CDH8: variants seen among roughly 807,000 people sequenced by gnomAD.
The protein encoded by CDH8 is cadherin-8.
CDH8 carries 17 observed loss-of-function variants against 68.1 expected under a neutral mutation model. That is an observed-to-expected ratio of 0.25 (90% CI 0.17 to 0.37). The LOEUF is 0.37. CDH8 is among the 10% of genes least tolerant of loss of function. CDH8 has a pLI of 1.00. For missense variants in CDH8, 763 were observed against 999.3 expected, an observed-to-expected ratio of 0.76 and a Z score of 3.19; for synonymous variants, 372 against 365.1, an observed-to-expected ratio of 1.02 and a Z score of -0.21.
chr16:62,006,421 G>A (rs1965976445), intron 2 of CDH8, among the ~76,000 whole-genome samples: 1 of 152,096 alleles, frequency 6.6e-6, no homozygotes, highest in Admixed American at 6.5e-5. Context: ...CACCTTATTA[G>A]CCAACCTGGG....
intron 10 of CDH8, among the ~76,000 whole-genome samples, chr16:61,671,320 T>C (rs1259212177): frequency 6.6e-6 from 1 of 151,916 alleles, no homozygotes; most frequent in Non-Finnish European, 1.5e-5. Flanking sequence ...GTGTTAGCAG[T>C]GGTTAATGGC....
intron 9 of CDH8, 58 bp from the exon 10 acceptor site, chr16:61,714,016 G>A: frequency 9.9e-7 from 1 of 1,013,336 alleles, no homozygotes; most frequent in Non-Finnish European, 1.6e-6. Flanking sequence ...CCTGCCATCG[G>A]TAAAAGCTTA....
chr16:61,736,993 A>G (rs1959705318), intron 8 of CDH8, among the ~76,000 whole-genome samples: 1 of 152,194 alleles, frequency 6.6e-6, no homozygotes, highest in African/African-American at 2.4e-5. Flanking sequence ...TTCACATATG[A>G]TAGAAGAAAA....
At chr16:62,030,359 G>A (rs1462617180) in intron 1 of CDH8, among the ~76,000 whole-genome samples, 1 of 151,990 alleles carries the variant, frequency 6.6e-6, no homozygotes, top group Non-Finnish European at 1.5e-5. Flanking sequence ...ATAAAAATAA[G>A]TATGAATTGT....
intron 7 of CDH8, among the ~76,000 whole-genome samples, chr16:61,799,469 T>C (rs1961569945): frequency 6.6e-6 from 1 of 152,182 alleles, no homozygotes; most frequent in Non-Finnish European, 1.5e-5. Context: ...TCCTATAATC[T>C]AGTGGAGTAG....
At chr16:61,720,957 G>C (rs1313560513) in intron 9 of CDH8, among the ~76,000 whole-genome samples, 1 of 150,662 alleles carries the variant, frequency 6.6e-6, no homozygotes, top group Non-Finnish European at 1.5e-5. Flanking sequence ...TATTTATTTA[G>C]TATGTATTTG....
intron 3 of CDH8, among the ~76,000 whole-genome samples, chr16:61,887,573 C>T (rs1382021876): frequency 2.0e-5 from 3 of 151,992 alleles, no homozygotes; most frequent in South Asian, 2.1e-4. Context: ...TTTGTGTGTC[C>T]GGATTTCCTC....
At chr16:61,810,124 C>T (rs898228214) in intron 7 of CDH8, among the ~76,000 whole-genome samples, 2 of 152,132 alleles carry the variant, frequency 1.3e-5, no homozygotes, top group African/African-American at 4.8e-5. Context: ...CTATTTAGAG[C>T]CACACATAAT....
At chr16:61,968,818 A>G (rs988059337) in intron 2 of CDH8, among the ~76,000 whole-genome samples, 1 of 152,236 alleles carries the variant, frequency 6.6e-6, no homozygotes, top group Non-Finnish European at 1.5e-5. Context: ...AGCATCAGCT[A>G]TCATTAGTTC....
chr16:61,821,962 G>A (rs183886491), intron 5 of CDH8, among the ~76,000 whole-genome samples: 391 of 151,852 alleles, frequency 2.6e-3, no homozygotes, highest in Non-Finnish European at 4.8e-3. Flanking sequence ...GGGTTATTGC[G>A]GGCCTTTAGA....
At chr16:61,748,022 G>C (rs1960065670) in intron 8 of CDH8, among the ~76,000 whole-genome samples, 1 of 152,054 alleles carries the variant, frequency 6.6e-6, no homozygotes, top group African/African-American at 2.4e-5. Flanking sequence ...ATTGGAACCA[G>C]TCAGTGGAGA....
intron 10 of CDH8, among the ~76,000 whole-genome samples, chr16:61,706,678 T>C (rs916638150): frequency 1.4e-5 from 2 of 140,122 alleles, no homozygotes; most frequent in African/African-American, 2.7e-5. Context: ...AACCAAAGCA[T>C]GTATAAGGGC....
At chr16:61,899,404 C>T (rs142182144) in intron 3 of CDH8, among the ~76,000 whole-genome samples, 51 of 152,026 alleles carry the variant, frequency 3.4e-4, no homozygotes, top group African/African-American at 1.2e-3. Flanking sequence ...TGGGGCAAGG[C>T]ATATGATTTT....
chr16:61,682,527 T>C (rs1964031888), intron 10 of CDH8, among the ~76,000 whole-genome samples: 1 of 151,978 alleles, frequency 6.6e-6, no homozygotes, highest in Admixed American at 6.6e-5. Flanking sequence ...TGAATATTGT[T>C]CAGGATTTAA....
chr16:61,897,083 T>C lies in CDH8; in HGVS notation c.547+4096A>G, dbSNP rs183224523. Among the ~76,000 whole-genome samples, 492 of 148,368 alleles carry C rather than the reference T, an allele frequency of 3.3e-3. 4 individuals are homozygous for C. The highest frequency in any genetic ancestry group is 4.4e-3 in the Non-Finnish European group (296 of 67,288). On this transcript the variant is annotated intron_variant, in intron 3 of 11. Coordinates refer to ENST00000577390, the MANE Select transcript of CDH8 (RefSeq NM_001796.5). ...ATATATCTTTATTATATATATAATA[T>C]AATATATAAATATATATAACATACA...
chr16:61,930,029 C>A (rs1366272775), intron 2 of CDH8, among the ~76,000 whole-genome samples: 1 of 152,062 alleles, frequency 6.6e-6, no homozygotes, highest in African/African-American at 2.4e-5. Context: ...TGACTCTGTT[C>A]CATAACAAAT....
At chr16:62,025,854 A>T (rs941648419) in intron 1 of CDH8, among the ~76,000 whole-genome samples, 2 of 150,008 alleles carry the variant, frequency 1.3e-5, no homozygotes, top group African/African-American at 4.9e-5. Flanking sequence ...ATACATATAG[A>T]TTCATATCTA....
intron 2 of CDH8, among the ~76,000 whole-genome samples, chr16:61,915,739 A>G (rs1029111597): frequency 6.6e-6 from 1 of 152,188 alleles, no homozygotes; most frequent in Non-Finnish European, 1.5e-5. Context: ...GTAATACCCA[A>G]TTAACAGCAC....
chr16:61,656,761 T>C (rs1394595826), intron 10 of CDH8, among the ~76,000 whole-genome samples: 1 of 152,184 alleles, frequency 6.6e-6, no homozygotes, highest in African/African-American at 2.4e-5. Context: ...AAGAATATAC[T>C]TCAGTTCAAA....
Sources: gnomAD v4.1 joint callset for allele counts (sites outside exome capture counted in the v4.1 genomes callset) on GRCh38, gnomAD v4.1.1 for gene constraint, MANE v1.5 for transcripts, NCBI Gene and HGNC (gene_info 2026-07-23, HGNC 2026-07-21) for gene names.